TUSC3: variants seen among roughly 807,000 people sequenced by gnomAD.
The protein encoded by TUSC3 is tumor suppressor candidate 3, also known as dolichyl-diphosphooligosaccharide--protein glycosyltransferase subunit TUSC3.
Under a neutral mutation model 44.8 loss-of-function variants are expected in TUSC3, and 45 were observed. That is an observed-to-expected ratio of 1.00 (90% CI 0.79 to 1.29). The LOEUF is 1.29. Ranked by LOEUF, TUSC3 falls within the 50% of genes most tolerant of loss-of-function variation. The probability of loss-of-function intolerance (pLI) is 0.00; values close to 1 mark genes in which losing one functional copy is unlikely to be tolerated. For missense variants in TUSC3, 519 were observed against 437.9 expected (o/e 1.19, Z -1.65); for synonymous variants, 212 against 152.9 (o/e 1.39, Z -2.85).
chr8:15,847,902 G>A, the TUSC3 span, among the ~76,000 whole-genome samples: 1 of 149,350 alleles, frequency 6.7e-6, no homozygotes, highest in African/African-American at 2.6e-5. Flanking sequence ...AATCATACCT[G>A]TGAGGTTATT....
At chr8:15,418,937 T>G (rs1192671754) in intron 1 of TUSC3, among the ~76,000 whole-genome samples, 1 of 152,024 alleles carries the variant, frequency 6.6e-6, no homozygotes, top group African/African-American at 2.4e-5. Context: ...GCCCTGGAGG[T>G]TGAGGCTGCA....
At chr8:15,567,399 T>A (rs1238771507) in intron 1 of TUSC3, among the ~76,000 whole-genome samples, 1 of 152,148 alleles carries the variant, frequency 6.6e-6, no homozygotes, top group Non-Finnish European at 1.5e-5. Flanking sequence ...ATCCTTTGCA[T>A]TATATATCTT....
At chr8:15,845,316 G>T in the TUSC3 span, among the ~76,000 whole-genome samples, 89,643 of 151,962 alleles carry the variant, frequency 0.59, 27,986 homozygotes, top group Non-Finnish European at 0.71. Context: ...TTTGATTTAA[G>T]TGAGGGTTTC....
intron 6 of TUSC3, chr8:15,689,307 G>C (rs1808785559): frequency 3.3e-6 from 1 of 306,752 alleles, no homozygotes; most frequent in Admixed American, 3.7e-5. Flanking sequence ...TTACTTTCCT[G>C]GTAGTAGTCA....
In TUSC3 at chr8:15,423,988, T is replaced by TTG. The variant is rs1563247249; in HGVS notation, n.91+6684_91+6685insGT. 2.1e-4 allele frequency among the ~76,000 whole-genome samples: 23 copies of TTG among 109,636 alleles called. 3 individuals carry two copies. The highest frequency in any genetic ancestry group is 3.6e-4 in the Non-Finnish European group (20 of 55,022). 71.9% of individuals were successfully genotyped at this position (109,636 alleles called of 152,430 possible). A position where few individuals can be genotyped will look rare whatever the true frequency, so the allele number is the denominator to read the frequency against. ...TGCTTTGTTTTTTTTTTTTTTTTTT[T>TTG]TTTTTTTTTTTTTTTTTTTGAGAAG... On this transcript the variant is annotated intron_variant and non_coding_transcript_variant, in intron 1 of 5. Coordinates refer to the TUSC3 transcript ENST00000503191.
At chr8:15,461,333 C>T (rs182561726) in intron 1 of TUSC3, among the ~76,000 whole-genome samples, 2 of 151,986 alleles carry the variant, frequency 1.3e-5, no homozygotes, top group Admixed American at 1.3e-4. Context: ...ACTTGATTCT[C>T]TGCTTGGTCA....
At chr8:15,809,965 A>G in the TUSC3 span, among the ~76,000 whole-genome samples, 4 of 152,214 alleles carry the variant, frequency 2.6e-5, no homozygotes, top group Admixed American at 2.6e-4. Context: ...CCTCCTAGTT[A>G]AAATGCAAGT....
chr8:15,748,358 T>A lies in TUSC3; in HGVS notation c.938-17T>A, dbSNP rs1225862861. ...GCATATTTTTAGACACTAATGGTAT[T>A]TTCTGTCTGTTTCTAGTAATTTGCC... On this transcript the variant is annotated splice_polypyrimidine_tract_variant and intron_variant, in intron 8 of 10. Coordinates refer to ENST00000503731, the MANE Select transcript of TUSC3 (RefSeq NM_006765.4). The A allele has an allele frequency of 6.3e-7, 1 of 1,592,254 alleles. No individual in the cohort carries two copies. Among genetic ancestry groups the A allele is most frequent in the Admixed American group, 1.7e-5 (1 of 59,976 alleles).
At chr8:15,611,188 G>C (rs573224859) in intron 1 of TUSC3, among the ~76,000 whole-genome samples, 7 of 151,992 alleles carry the variant, frequency 4.6e-5, no homozygotes, top group Admixed American at 2.0e-4. Flanking sequence ...TTTTGTTGTT[G>C]CTGTTGTTGT....
At chr8:15,486,460 T>A (rs1356268503) in intron 2 of TUSC3, among the ~76,000 whole-genome samples, 2 of 152,128 alleles carry the variant, frequency 1.3e-5, no homozygotes, top group African/African-American at 4.8e-5. Context: ...ATTTTCTTCT[T>A]TTTCCATGGA....
At chr8:15,661,843 G>C (rs574721916) in intron 4 of TUSC3, among the ~76,000 whole-genome samples, 2 of 151,834 alleles carry the variant, frequency 1.3e-5, no homozygotes, top group South Asian at 4.2e-4. Flanking sequence ...CTTAAAAAGA[G>C]AAAACCCAAT....
chr8:15,814,819 G>A, the TUSC3 span, among the ~76,000 whole-genome samples: 1 of 152,086 alleles, frequency 6.6e-6, no homozygotes, highest in Non-Finnish European at 1.5e-5. Flanking sequence ...TGAATATCTT[G>A]CCATAGGCTG....
chr8:15,460,628 C>A (rs1800332940), intron 1 of TUSC3, among the ~76,000 whole-genome samples: 1 of 152,094 alleles, frequency 6.6e-6, no homozygotes, highest in African/African-American at 2.4e-5. Context: ...AAGGGTTTTT[C>A]CAATATTATT....
At chr8:15,632,221 C>T (rs1172909236) in intron 2 of TUSC3, among the ~76,000 whole-genome samples, 3 of 152,132 alleles carry the variant, frequency 2.0e-5, no homozygotes, top group African/African-American at 7.2e-5. Context: ...TATAACGTTT[C>T]CACACTTAAA....
rs554945868 is a variant in TUSC3 at position 15,666,823 on chromosome 8, G to A, written c.708+4527G>A. Among the ~76,000 whole-genome samples the A allele has an allele frequency of 2.6e-5, 4 of 151,176 alleles. No homozygotes were observed. In the East Asian group the frequency reaches 7.8e-4, roughly 29 times the overall value. Reference sequence around the variant, plus strand: ...CATTTGGCCATTTGGAGTTAGTTATGGTTTTTGCAAACAGGTATTTCTATG... The same window carrying A: ...CATTTGGCCATTTGGAGTTAGTTATAGTTTTTGCAAACAGGTATTTCTATG... On this transcript the variant is annotated intron_variant, in intron 5 of 10. Coordinates refer to ENST00000503731, the MANE Select transcript of TUSC3 (RefSeq NM_006765.4).
At chr8:15,435,964 T>C (rs28532783) in intron 1 of TUSC3, among the ~76,000 whole-genome samples, 24,653 of 152,164 alleles carry the variant, frequency 0.16, 2,060 homozygotes, top group Middle Eastern at 0.22. Flanking sequence ...GGGGAGTCTT[T>C]TCTGAAGCAG....
At chr8:15,618,281 CT>C (rs1389586416) in intron 1 of TUSC3, among the ~76,000 whole-genome samples, 2 of 152,088 alleles carry the variant, frequency 1.3e-5, no homozygotes, top group African/African-American at 2.4e-5. Context: ...CCTACTAGAA[CT>C]TTTTTTAAAA....
the TUSC3 span, among the ~76,000 whole-genome samples, chr8:15,795,799 G>C: frequency 6.6e-6 from 1 of 152,208 alleles, no homozygotes; most frequent in Non-Finnish European, 1.5e-5. Flanking sequence ...TTCCAGATCA[G>C]TTTGAGTAAT....
At chr8:15,566,325 C>T (rs1049491557) in intron 1 of TUSC3, among the ~76,000 whole-genome samples, 1 of 151,998 alleles carries the variant, frequency 6.6e-6, no homozygotes, top group African/African-American at 2.4e-5. Context: ...TTAATTTTTT[C>T]CTGGAGCTCA....
Sources: gnomAD v4.1 joint callset for allele counts (sites outside exome capture counted in the v4.1 genomes callset) on GRCh38, gnomAD v4.1.1 for gene constraint, MANE v1.5 for transcripts, NCBI Gene and HGNC (gene_info 2026-07-23, HGNC 2026-07-21) for gene names.